FHL2: variants seen among roughly 807,000 people sequenced by gnomAD.
The protein encoded by FHL2 is four and a half LIM domains 2.
A neutral mutation model predicts 32.7 loss-of-function variants in FHL2; 20 were observed. The observed-to-expected ratio is 0.61, with a 90% confidence interval of 0.43 to 0.89. FHL2 has a LOEUF of 0.89. Among genes scored for constraint, FHL2 ranks in the 40% least tolerant of loss-of-function variants. FHL2 has a pLI of 0.00. For synonymous variants in FHL2, 123 were observed against 128.1 expected (o/e 0.96, Z 0.27); for missense variants, 311 against 358.6 (o/e 0.87, Z 1.07).
upstream of FHL2, among the ~76,000 whole-genome samples, chr2:105,402,095 G>A (rs7583471): frequency 6.7e-5 from 8 of 118,776 alleles, no homozygotes; most frequent in African/African-American, 1.6e-4. Context: ...GTATATATAC[G>A]TGTATATATA....
chr2:105,396,431 G>A (rs935732391), intron 2 of FHL2, among the ~76,000 whole-genome samples: 1 of 152,152 alleles, frequency 6.6e-6, no homozygotes, highest in Non-Finnish European at 1.5e-5. Context: ...GTTTGGACAA[G>A]GCCCACTCAC....
intron 2 of FHL2, among the ~76,000 whole-genome samples, chr2:105,391,850 C>G (rs981751872): frequency 2.0e-5 from 3 of 152,224 alleles, no homozygotes; most frequent in Non-Finnish European, 4.4e-5. Context: ...TTAGCTGGTA[C>G]ACAGGAATGC....
intron 2 of FHL2, among the ~76,000 whole-genome samples, chr2:105,386,859 G>T (rs1682362901): frequency 7.0e-6 from 1 of 142,464 alleles, no homozygotes; most frequent in African/African-American, 2.7e-5. Context: ...CCGCCTCCCA[G>T]GTTCAAGTGA....
rs751868181 is a variant in FHL2, at chr2:105,373,654, G to C, written c.236C>G (p.Pro79Arg). 2.5e-6 allele frequency: 4 copies of C among 1,614,052 alleles called. No individual in the cohort carries two copies. The African/African-American group carries it at 5.3e-5, about 22-fold the overall frequency. Residue 79 changes from proline to arginine, a missense_variant, in exon 4 of 7, where the codon CCC becomes CGC. Pro to Arg is a moderately radical substitution (Grantham distance 103, BLOSUM62 -2). Coordinates refer to ENST00000530340, the MANE Select transcript of FHL2 (RefSeq NM_001318895.3). ...CAGCTGGTCCTCCTTGGCAGCAAAG[G>C]GCTTGTCCACCAGTGAGTTTCTGCA... ...SQCRNSLVDK[P>R]FAAKEDQLLC...
chr2:105,371,575 T>TCTCTCTCC (rs1558687789), intron 4 of FHL2, among the ~76,000 whole-genome samples: 1 of 151,544 alleles, frequency 6.6e-6, no homozygotes, highest in Non-Finnish European at 1.5e-5. Context: ...TCTCTCTCTC[T>TCTCTCTCC]CCTTATGTAT....
At chr2:105,365,169 C>CA (rs1680539968) in intron 5 of FHL2, among the ~76,000 whole-genome samples, 1 of 152,168 alleles carries the variant, frequency 6.6e-6, no homozygotes, top group Non-Finnish European at 1.5e-5. Flanking sequence ...CCCTGGCCCC[C>CA]AACTCCTCAG....
downstream of FHL2, chr2:105,358,414 G>A (rs964472061): frequency 6.6e-6 from 1 of 152,232 alleles, no homozygotes; most frequent in Non-Finnish European, 1.5e-5. Flanking sequence ...GCTAGGGTAG[G>A]GGCAATTGGA....
chr2:105,428,567 C>T (rs756647914), intron 1 of FHL2, among the ~76,000 whole-genome samples: 69 of 152,352 alleles, frequency 4.5e-4, no homozygotes, highest in South Asian at 8.3e-4. Flanking sequence ...CCCTCTCCTG[C>T]GGACAGGCCC....
At chr2:105,400,269 G>A (rs77575653), upstream of FHL2, among the ~76,000 whole-genome samples, 1,827 of 152,296 alleles carry the variant, frequency 0.012, 44 homozygotes, top group African/African-American at 0.043. Flanking sequence ...GTATATTACG[G>A]GATCAGAAAT....
At chr2:105,416,452 C>T (rs1683941947) in intron 1 of FHL2, among the ~76,000 whole-genome samples, 1 of 152,192 alleles carries the variant, frequency 6.6e-6, no homozygotes, top group Non-Finnish European at 1.5e-5. Flanking sequence ...ATAGCCATCT[C>T]AGATCATCAT....
At chr2:105,358,884 A>G (rs1006949496), downstream of FHL2, 159 of 152,178 alleles carry the variant, frequency 1.0e-3, no homozygotes, top group African/African-American at 3.7e-3. Context: ...TCTCCTTTTC[A>G]GGATTTTCTT....
At chr2:105,388,829 G>A (rs923447225) in intron 2 of FHL2, among the ~76,000 whole-genome samples, 21 of 128,546 alleles carry the variant, frequency 1.6e-4, no homozygotes, top group East Asian at 1.0e-3. Flanking sequence ...GCGAGACTCC[G>A]TCTCAAAAAA....
chr2:105,372,027 C>G (rs538930829), intron 4 of FHL2, among the ~76,000 whole-genome samples: 2 of 152,292 alleles, frequency 1.3e-5, no homozygotes, highest in Admixed American at 1.3e-4. Flanking sequence ...ACCATGCAGC[C>G]CTTCCAGCTG....
chr2:105,425,231 GT>G (rs35903223), intron 1 of FHL2, among the ~76,000 whole-genome samples: 86,633 of 151,710 alleles, frequency 0.57, 25,717 homozygotes, highest in African/African-American at 0.74. Context: ...TAAAATCAAG[GT>G]TTTAAGGGAC....
intron 3 of FHL2, among the ~76,000 whole-genome samples, chr2:105,379,801 TGGC>T (rs1234666322): frequency 1.3e-5 from 2 of 152,232 alleles, no homozygotes; most frequent in African/African-American, 4.8e-5. Flanking sequence ...AAATCCCACT[TGGC>T]TGCAAGTCCC....
In FHL2 at chr2:105,435,878, C is replaced by A. The variant is rs1268541215; in HGVS notation, c.-25+2521G>T. Among the ~76,000 whole-genome samples, 4 of 152,104 alleles carry A rather than the reference C, an allele frequency of 2.6e-5. No homozygotes were observed. In the South Asian group the frequency reaches 8.3e-4, roughly 32 times the overall value. On this transcript the variant is annotated intron_variant, in intron 1 of 5. Transcript: ENST00000393352. ...AATAAAAAAAGACCAGAATGAAATT[C>A]TTGCACTTTCTTCTTAATATCTAAT...
Position 105,363,328 on chromosome 2 carries a change from G to C in FHL2, c.645C>G (p.Asp215Glu). 6.2e-7 allele frequency: 1 copy of C among 1,614,212 alleles called. No individual in the cohort carries two copies. Residue 215 changes from aspartate to glutamate, a missense_variant, in exon 6 of 7, where the codon GAC becomes GAG. Coordinates refer to ENST00000530340, the MANE Select transcript of FHL2 (RefSeq NM_001318895.3). ...DFAYCLNCFCDLYAKKCAGCT... is the reference protein window; with the variant it reads ...DFAYCLNCFCELYAKKCAGCT... Reference sequence around the variant, plus strand: ...ACCCAGCACACTTCTTGGCATACAAGTCACAGAAGCAGTTCAGGCAGTAGG... The same window carrying C: ...ACCCAGCACACTTCTTGGCATACAACTCACAGAAGCAGTTCAGGCAGTAGG...
In FHL2 at chr2:105,394,396, G is replaced by A. The variant is rs552307558; in HGVS notation, c.-25+2251C>T. 6.7e-4 allele frequency among the ~76,000 whole-genome samples: 101 copies of A among 151,140 alleles called. 1 individual carries two copies. The highest frequency in any genetic ancestry group is 2.3e-3 in the African/African-American group (96 of 41,130). ...CAGCCTGGACCACAGTGTAAGACCCGGTCTCTAAAAAAAAAAAAAAATTTA... is the reference window on the plus strand; with the variant it reads ...CAGCCTGGACCACAGTGTAAGACCCAGTCTCTAAAAAAAAAAAAAAATTTA... On this transcript the variant is annotated intron_variant, in intron 2 of 6. Transcript: ENST00000530340.
intron 1 of FHL2, among the ~76,000 whole-genome samples, chr2:105,429,038 CT>C (rs1684344050): frequency 6.6e-6 from 1 of 152,206 alleles, no homozygotes; most frequent in Non-Finnish European, 1.5e-5. Flanking sequence ...AACTGTGAGC[CT>C]TTGGCGTCCT....
Sources: gnomAD v4.1 joint callset for allele counts (sites outside exome capture counted in the v4.1 genomes callset) on GRCh38, gnomAD v4.1.1 for gene constraint, MANE v1.5 for transcripts, NCBI Gene and HGNC (gene_info 2026-07-23, HGNC 2026-07-21) for gene names.